SNU13: variants seen among roughly 807,000 people sequenced by gnomAD.
SNU13 encodes the protein NHP2-like protein 1.
SNU13 carries 2 observed loss-of-function variants against 12.4 expected under a neutral mutation model. The ratio of observed to expected loss-of-function variants is 0.16; its 90% CI spans 0.07 to 0.51. The LOEUF is 0.51. Among genes scored for constraint, SNU13 ranks in the 20% least tolerant of loss-of-function variants. SNU13 has a pLI of 0.96. For synonymous variants in SNU13, 68 were observed against 66.5 expected, an observed-to-expected ratio of 1.02 and a Z score of -0.11; for missense variants, 66 against 157.8, an observed-to-expected ratio of 0.42 and a Z score of 3.12.
At chr22:41,682,475 G>C (rs2068273239) in intron 1 of SNU13, 1 of 1,591,918 alleles carries the variant, frequency 6.3e-7, no homozygotes, top group Non-Finnish European at 8.5e-7. Context: ...AGAGCAGGAA[G>C]TGACGCCACT....
At chr22:41,676,081 T>TCTTA in intron 2 of SNU13, among the ~76,000 whole-genome samples, 1 of 152,228 alleles carries the variant, frequency 6.6e-6, no homozygotes, top group Non-Finnish European at 1.5e-5. Flanking sequence ...CACCATCATC[T>TCTTA]CTTACCTTGT....
intron 1 of SNU13, among the ~76,000 whole-genome samples, chr22:41,680,770 C>G (rs1601572289): frequency 1.3e-5 from 2 of 152,330 alleles, no homozygotes; most frequent in South Asian, 4.1e-4. Context: ...TTTCAGCTTA[C>G]TGCAATCTCT....
In SNU13 at chr22:41,682,295, C is replaced by A. The variant is rs189271810; in HGVS notation, c.4-1931G>T. On this transcript the variant is annotated intron_variant, in intron 1 of 2. Transcript: ENST00000401959. ...GCTTTTCTGACACAGCGGGACCACGCTCGCGGCACCACAGCTCTCGGGAGG... is the reference window on the plus strand; with the variant it reads ...GCTTTTCTGACACAGCGGGACCACGATCGCGGCACCACAGCTCTCGGGAGG... The A allele has an allele frequency of 5.8e-4, 899 of 1,536,924 alleles. 5 individuals carry two copies. In the African/African-American group the frequency reaches 9.0e-3, roughly 15 times the overall value.
At chr22:41,688,965 T>C, upstream of SNU13, 1 of 1,355,586 alleles carries the variant, frequency 7.4e-7, no homozygotes, top group Non-Finnish European at 9.6e-7. Context: ...ACGGGGGCAC[T>C]GGCGCGGAAA....
chr22:41,677,086 G>A (rs1000255517), intron 2 of SNU13, among the ~76,000 whole-genome samples: 8 of 152,022 alleles, frequency 5.3e-5, no homozygotes, highest in African/African-American at 1.4e-4. Flanking sequence ...TTTTCAGCAC[G>A]CATCTTTCTT....
chr22:41,686,201 T>G (rs866679556), intron 1 of SNU13, among the ~76,000 whole-genome samples: 1 of 152,196 alleles, frequency 6.6e-6, no homozygotes, highest in Admixed American at 6.5e-5. Flanking sequence ...TGCCTTCTAT[T>G]TGTTCCACTT....
At chr22:41,690,173 G>A (rs531556348), upstream of SNU13, among the ~76,000 whole-genome samples, 1 of 152,084 alleles carries the variant, frequency 6.6e-6, no homozygotes, top group Admixed American at 6.6e-5. Flanking sequence ...AGGAAATCAG[G>A]ATACTGCAAG....
chr22:41,677,462 C>T (rs2068224004), intron 2 of SNU13, among the ~76,000 whole-genome samples: 1 of 152,104 alleles, frequency 6.6e-6, no homozygotes. Flanking sequence ...GAGGTCGTGG[C>T]TGCAGTGAGC....
chr22:41,688,810 C>T lies in SNU13; in HGVS notation c.-14G>A. The T allele has an allele frequency of 6.2e-7, 1 of 1,600,804 alleles. No individual in the cohort carries two copies. Among genetic ancestry groups the T allele is most frequent in the Non-Finnish European group, 8.5e-7 (1 of 1,170,830 alleles). Reference sequence around the variant, plus strand: ...CGCACTCACCATGGCTGCGGTTCCGCGGGCTCAGCACTCCTAGGGGAGCGC... The same window carrying T: ...CGCACTCACCATGGCTGCGGTTCCGTGGGCTCAGCACTCCTAGGGGAGCGC... On this transcript the variant is annotated 5_prime_UTR_variant, in exon 1 of 3. Transcript: ENST00000401959.
intron 2 of SNU13, among the ~76,000 whole-genome samples, chr22:41,678,751 C>T (rs1418439304): frequency 6.6e-6 from 1 of 152,194 alleles, no homozygotes; most frequent in Non-Finnish European, 1.5e-5. Context: ...CCAGGCACTG[C>T]AGTTACTGCA....
intron 1 of SNU13, 94 bp from the exon 2 acceptor site, chr22:41,680,458 C>A: frequency 1.5e-6 from 2 of 1,372,032 alleles, no homozygotes; most frequent in Non-Finnish European, 2.0e-6. Context: ...ACACAGGGGG[C>A]AGCTGCCCTG....
At chr22:41,678,742 C>A (rs1003431466) in intron 2 of SNU13, among the ~76,000 whole-genome samples, 1 of 152,160 alleles carries the variant, frequency 6.6e-6, no homozygotes, top group Admixed American at 6.6e-5. Context: ...ACTGCTATAC[C>A]AGGCACTGCA....
chr22:41,681,093 A>C (rs2069745732), intron 1 of SNU13: 1 of 151,946 alleles, frequency 6.6e-6, no homozygotes, highest in African/African-American at 2.4e-5. Context: ...TCCATTCCCC[A>C]CTCCATATGC....
intron 2 of SNU13, 45 bp downstream of exon 2, chr22:41,680,199 C>T (rs890934717): frequency 1.4e-5 from 22 of 1,575,726 alleles, no homozygotes; most frequent in Non-Finnish European, 5.2e-6. Context: ...CAGATGGAAA[C>T]AGGTGCCTTT....
In SNU13 at chr22:41,688,865, C is replaced by A; in HGVS notation, c.-69G>T. The A allele has an allele frequency of 6.5e-7, 1 of 1,526,958 alleles. No individual in the cohort carries two copies. Among genetic ancestry groups the A allele is most frequent in the Non-Finnish European group, 8.9e-7 (1 of 1,128,406 alleles). The allele number at this position is 1,526,958 out of a possible 1,614,324, so 94.6% of individuals were successfully genotyped here. On this transcript the variant is annotated 5_prime_UTR_variant, in exon 1 of 3. Coordinates refer to ENST00000401959, the MANE Select transcript of SNU13 (RefSeq NM_001003796.2). The stretch of plus-strand genomic sequence containing the variant: ...GACGTTTCAGAAGCACTCGCGTGCA[C>A]CGGAAAAACTCACAGAAGCAGCAGC...
chr22:41,689,000 G>A (rs2068338063), upstream of SNU13: 3 of 1,314,274 alleles, frequency 2.3e-6, no homozygotes, highest in African/African-American at 2.9e-5. Context: ...AAGAAGGAAC[G>A]TACTTTGGCG....
chr22:41,689,066 A>G (rs2068338732), upstream of SNU13: 1 of 1,211,800 alleles, frequency 8.3e-7, no homozygotes, highest in African/African-American at 1.5e-5. Context: ...TAAACATTCA[A>G]AAAGTAACCC....
At chr22:41,675,320 A>T (rs1452148535) in intron 2 of SNU13, 125 bp from the exon 3 acceptor site, 1 of 1,234,894 alleles carries the variant, frequency 8.1e-7, no homozygotes, top group East Asian at 2.3e-5. Flanking sequence ...GATATGATAA[A>T]GGATTCAAAC....
chr22:41,675,069 C>T lies in SNU13; in HGVS notation c.251G>A (p.Arg84His), dbSNP rs1488724110. 10 of 1,614,094 alleles carry T rather than the reference C, an allele frequency of 6.2e-6. No individual in the cohort carries two copies. The highest frequency in any genetic ancestry group is 8.5e-6 in the Non-Finnish European group (10 of 1,180,048). The change falls in exon 3 of 3, where the codon CGC becomes CAC. Residue 84 changes from arginine to histidine, a missense_variant. Arg to His is a conservative substitution (Grantham distance 29). Transcript: ENST00000401959. ...GGCTCTCCCCAGGGCCTGCTTGGAG[C>T]GCACAAACACGTAGGGCACATTCTT... ...EDKNVPYVFV[R>H]SKQALGRACG... is the part of the protein sequence containing the mutation.
Sources: gnomAD v4.1 joint callset for allele counts (sites outside exome capture counted in the v4.1 genomes callset) on GRCh38, gnomAD v4.1.1 for gene constraint, MANE v1.5 for transcripts, NCBI Gene and HGNC (gene_info 2026-07-23, HGNC 2026-07-21) for gene names.